Variants in ARL15 observed in about 807,000 individuals in gnomAD.
The protein encoded by ARL15 is ARF like GTPase 15.
Under a neutral mutation model 25.2 loss-of-function variants are expected in ARL15, and 19 were observed. The ratio of observed to expected loss-of-function variants is 0.75; its 90% CI spans 0.53 to 1.10. The LOEUF is 1.10. Ranked by LOEUF, ARL15 falls within the 50% of genes least tolerant of loss-of-function variation. The pLI, the probability that ARL15 is intolerant of heterozygous loss-of-function variation, is 0.00. For synonymous variants in ARL15, 94 were observed against 86.8 expected (o/e 1.08, Z -0.46); for missense variants, 220 against 246.0 (o/e 0.89, Z 0.71).
intron 4 of ARL15, among the ~76,000 whole-genome samples, chr5:53,895,892 A>G (rs1466024443): frequency 1.3e-5 from 2 of 152,188 alleles, no homozygotes; most frequent in Non-Finnish European, 2.9e-5. Flanking sequence ...TTTTCCATGA[A>G]TTTTATGAAT....
At chr5:53,895,177 GGA>G (rs1744833390) in intron 4 of ARL15, among the ~76,000 whole-genome samples, 1 of 152,182 alleles carries the variant, frequency 6.6e-6, no homozygotes, top group Admixed American at 6.5e-5. Context: ...GTGCTTGGGA[GGA>G]GCCTGGGGCA....
chr5:54,115,072 T>G (rs865821347), intron 3 of ARL15, among the ~76,000 whole-genome samples: 7 of 152,324 alleles, frequency 4.6e-5, no homozygotes, highest in African/African-American at 1.7e-4. Context: ...GTTGGTAGCT[T>G]GAAATCAATC....
chr5:54,308,933 A>G (rs1358082641), intron 1 of ARL15, among the ~76,000 whole-genome samples: 2 of 152,246 alleles, frequency 1.3e-5, no homozygotes, highest in African/African-American at 4.8e-5. Context: ...CTTGGTAATT[A>G]TCCCAACAAA....
chr5:54,209,788 A>G (rs2112503963), intron 1 of ARL15, among the ~76,000 whole-genome samples: 1 of 152,288 alleles, frequency 6.6e-6, no homozygotes, highest in East Asian at 1.9e-4. Context: ...TTACTTGCAA[A>G]GTCAACATTC....
chr5:53,888,367 A>T (rs903708422), intron 4 of ARL15, among the ~76,000 whole-genome samples: 3 of 151,960 alleles, frequency 2.0e-5, no homozygotes, highest in African/African-American at 7.3e-5. Context: ...TGCAGCCTTG[A>T]CGTCCCAGGC....
intron 2 of ARL15, among the ~76,000 whole-genome samples, chr5:54,156,474 T>C (rs1754236594): frequency 1.3e-5 from 2 of 152,238 alleles, no homozygotes; most frequent in African/African-American, 4.8e-5. Context: ...TATGTTTCCA[T>C]TGATGCTTTT....
At chr5:54,103,355 A>G (rs184706502) in intron 4 of ARL15, among the ~76,000 whole-genome samples, 2 of 152,280 alleles carry the variant, frequency 1.3e-5, no homozygotes, top group East Asian at 3.9e-4. Flanking sequence ...CCTTTGTAGT[A>G]TACCTTCTTA....
chr5:54,266,488 T>G (rs1040803747), intron 1 of ARL15, among the ~76,000 whole-genome samples: 1 of 152,206 alleles, frequency 6.6e-6, no homozygotes, highest in African/African-American at 2.4e-5. Context: ...TTGGATTTCA[T>G]GAGAAATCCC....
chr5:54,019,890 G>C (rs1183145916), intron 4 of ARL15, among the ~76,000 whole-genome samples: 1 of 152,102 alleles, frequency 6.6e-6, no homozygotes, highest in Non-Finnish European at 1.5e-5. Flanking sequence ...ATCTACAAAA[G>C]CATTAAACTC....
At chr5:53,996,551 G>A (rs7736449) in intron 4 of ARL15, among the ~76,000 whole-genome samples, 11,124 of 150,714 alleles carry the variant, frequency 0.074, 550 homozygotes, top group Non-Finnish European at 0.11. Flanking sequence ...CCCGGGAGGC[G>A]GAGGTTGCAG....
chr5:53,910,197 C>T (rs1439877706), intron 4 of ARL15, among the ~76,000 whole-genome samples: 1 of 152,138 alleles, frequency 6.6e-6, no homozygotes, highest in Non-Finnish European at 1.5e-5. Context: ...CAGGCCCGGA[C>T]AGGAAATGAA....
At chr5:53,987,954 T>C (rs1200562413) in intron 4 of ARL15, among the ~76,000 whole-genome samples, 1 of 151,986 alleles carries the variant, frequency 6.6e-6, no homozygotes, top group East Asian at 1.9e-4. Context: ...TACAAAAACA[T>C]TAGCCGGGCA....
intron 1 of ARL15, among the ~76,000 whole-genome samples, chr5:54,230,401 A>G (rs889379114): frequency 6.6e-6 from 1 of 151,914 alleles, no homozygotes; most frequent in Non-Finnish European, 1.5e-5. Context: ...ATGAAAAGAA[A>G]AGAAAAGGTG....
rs1476540234 is a variant in ARL15 at position 53,930,976 on chromosome 5, T to C, written c.463-44263A>G. 2.0e-5 allele frequency among the ~76,000 whole-genome samples: 3 copies of C among 152,210 alleles called. No individual in the cohort carries two copies. The East Asian group carries it at 5.8e-4, about 29-fold the overall frequency. On this transcript the variant is annotated intron_variant, in intron 4 of 4. Transcript: ENST00000504924. ...CTAAAGGATTCCTAAGAATACATGATAATGTTCCTAACAATTGAGTCAAGG... is the reference window on the plus strand; with the variant it reads ...CTAAAGGATTCCTAAGAATACATGACAATGTTCCTAACAATTGAGTCAAGG...
chr5:53,896,893 G>A (rs1415440357), intron 4 of ARL15, among the ~76,000 whole-genome samples: 1 of 152,034 alleles, frequency 6.6e-6, no homozygotes. Context: ...AGAAAACGTC[G>A]GTCTTCAAAG....
chr5:54,058,295 C>T (rs897641711), intron 4 of ARL15, among the ~76,000 whole-genome samples: 3 of 152,050 alleles, frequency 2.0e-5, no homozygotes, highest in African/African-American at 4.8e-5. Context: ...TGTGAGCCAC[C>T]GTGCCTTGCC....
intron 4 of ARL15, among the ~76,000 whole-genome samples, chr5:54,069,914 A>T (rs898606912): frequency 1.3e-5 from 2 of 151,440 alleles, no homozygotes; most frequent in Non-Finnish European, 2.9e-5. Flanking sequence ...ACCTCAAGAG[A>T]TCCACCCACC....
At chr5:53,918,740 A>G (rs992338449) in intron 4 of ARL15, among the ~76,000 whole-genome samples, 1 of 152,108 alleles carries the variant, frequency 6.6e-6, no homozygotes. Context: ...GACCATTGAC[A>G]GTTAGCAAAT....
intron 1 of ARL15, among the ~76,000 whole-genome samples, chr5:54,266,647 CAG>C (rs1250307280): frequency 1.3e-5 from 2 of 152,100 alleles, no homozygotes; most frequent in East Asian, 1.9e-4. Flanking sequence ...AAAAAGAAAA[CAG>C]AACATAGAAG....
Sources: gnomAD v4.1 joint callset for allele counts (sites outside exome capture counted in the v4.1 genomes callset) on GRCh38, gnomAD v4.1.1 for gene constraint, MANE v1.5 for transcripts, NCBI Gene and HGNC (gene_info 2026-07-23, HGNC 2026-07-21) for gene names.